The following TTLL5 variants were observed in gnomAD, a reference collection of about 807,000 sequenced individuals.
TTLL5 encodes the protein tubulin polyglutamylase TTLL5.
Under a neutral mutation model 168.4 loss-of-function variants are expected in TTLL5, and 132 were observed. The observed-to-expected ratio is 0.78, with a 90% CI of 0.68 to 0.91. The LOEUF (loss-of-function observed/expected upper bound fraction) is 0.91, where lower values mean the gene tolerates loss of function less well. Among genes scored for constraint, TTLL5 ranks in the 40% least tolerant of loss-of-function variants. TTLL5 has a pLI of 0.00. For synonymous variants in TTLL5, 546 were observed against 558.6 expected (o/e 0.98, Z 0.32); for missense variants, 1,545 against 1,581.5 (o/e 0.98, Z 0.39).
intron 31 of TTLL5, among the ~76,000 whole-genome samples, chr14:75,910,422 G>T (rs1350967908): frequency 2.0e-5 from 3 of 152,150 alleles, no homozygotes; most frequent in Admixed American, 6.5e-5. Context: ...TCCTGAACTG[G>T]GCAAGTAACC....
chr14:75,753,066 G>GA (rs897338785), intron 18 of TTLL5, 111 bp downstream of exon 18: 45 of 1,025,636 alleles, frequency 4.4e-5, no homozygotes, highest in Non-Finnish European at 5.5e-5. Flanking sequence ...ATCTCTGCTA[G>GA]AAAAAAAAGT....
At chr14:75,675,881 T>C (rs930430271) in intron 3 of TTLL5, among the ~76,000 whole-genome samples, 1 of 152,128 alleles carries the variant, frequency 6.6e-6, no homozygotes, top group African/African-American at 2.4e-5. Context: ...GTTATTGGTT[T>C]ATGTAATTAT....
intron 28 of TTLL5, among the ~76,000 whole-genome samples, chr14:75,845,348 G>A (rs1896488439): frequency 6.6e-6 from 1 of 152,148 alleles, no homozygotes; most frequent in Non-Finnish European, 1.5e-5. Context: ...ACATACCGAA[G>A]GACTCCCCGT....
intron 28 of TTLL5, among the ~76,000 whole-genome samples, chr14:75,829,597 AT>A (rs1440818176): frequency 3.3e-5 from 5 of 149,806 alleles, no homozygotes; most frequent in Admixed American, 6.7e-5. Flanking sequence ...AAAGCGAGTG[AT>A]TTTAAAAGAG....
intron 14 of TTLL5, among the ~76,000 whole-genome samples, chr14:75,734,917 T>A (rs985661746): frequency 3.9e-5 from 6 of 152,228 alleles, no homozygotes; most frequent in African/African-American, 1.4e-4. Flanking sequence ...TCTTAAGTTC[T>A]TCAAAAATCT....
rs553965605 is a variant in TTLL5 at position 75,926,038 on chromosome 14, G to T, written c.3823+23814G>T. On this transcript the variant is annotated intron_variant, in intron 31 of 31. Coordinates refer to ENST00000298832, the MANE Select transcript of TTLL5 (RefSeq NM_015072.5). ...TCGCCTTGGCATCAGAGGGAGACCG[G>T]GGAAAGAGAGGGAGAGGGAGACCGT... Among the ~76,000 whole-genome samples, 247 of 149,198 alleles carry T rather than the reference G, an allele frequency of 1.7e-3. 1 individual carries two copies. The highest frequency in any genetic ancestry group is 3.4e-3 in the Middle Eastern group (1 of 290).
intron 15 of TTLL5, among the ~76,000 whole-genome samples, chr14:75,740,194 C>G (rs1488473122): frequency 6.6e-6 from 1 of 152,110 alleles, no homozygotes; most frequent in Non-Finnish European, 1.5e-5. Context: ...TAATATATTG[C>G]TATAGTTCCC....
chr14:75,945,679 A>G (rs1434743025), intron 31 of TTLL5, among the ~76,000 whole-genome samples: 1 of 152,212 alleles, frequency 6.6e-6, no homozygotes, highest in Admixed American at 6.5e-5. Flanking sequence ...GGCCTAATAA[A>G]TATCTAATTG....
intron 30 of TTLL5, among the ~76,000 whole-genome samples, chr14:75,900,700 A>G (rs921249079): frequency 6.6e-6 from 1 of 152,044 alleles, no homozygotes; most frequent in Non-Finnish European, 1.5e-5. Context: ...TATATATGCA[A>G]TTTCCTCGTG....
At chr14:75,745,037 T>C (rs1889518505) in intron 15 of TTLL5, 58 bp from the exon 16 acceptor site, 1 of 1,339,740 alleles carries the variant, frequency 7.5e-7, no homozygotes, top group Non-Finnish European at 1.0e-6. Flanking sequence ...CAGAGGGTAA[T>C]GAGGAGTAAT....
rs115500278 is a variant in TTLL5 at position 75,822,528 on chromosome 14, A to G, written c.3326+2367A>G. Among the ~76,000 whole-genome samples, 161 of 152,362 alleles carry G rather than the reference A, an allele frequency of 1.1e-3. 1 individual carries two copies. Among genetic ancestry groups the G allele is most frequent in the African/African-American group, 3.6e-3 (150 of 41,584 alleles). On this transcript the variant is annotated intron_variant, in intron 28 of 31. Coordinates refer to ENST00000298832, the MANE Select transcript of TTLL5 (RefSeq NM_015072.5). Reference sequence around the variant, plus strand: ...ACTAGGGGCTGCCTTGTAAACTGTAATAAAATGTAAAGAGAATCCCATTGC... The same window carrying G: ...ACTAGGGGCTGCCTTGTAAACTGTAGTAAAATGTAAAGAGAATCCCATTGC...
At chr14:75,950,567 G>C (rs895515621) in intron 31 of TTLL5, among the ~76,000 whole-genome samples, 1 of 152,196 alleles carries the variant, frequency 6.6e-6, no homozygotes, top group African/African-American at 2.4e-5. Context: ...GTGAAGAGAT[G>C]AAACAAATGG....
chr14:75,919,451 T>A (rs2033744666), intron 31 of TTLL5, among the ~76,000 whole-genome samples: 1 of 152,052 alleles, frequency 6.6e-6, no homozygotes, highest in South Asian at 2.1e-4. Context: ...GAAATAAACT[T>A]ATATATCAAA....
Position 75,766,286 on chromosome 14 carries a change from G to T in TTLL5, c.1933G>T (p.Gly645Ter). 6.2e-7 allele frequency: 1 copy of T among 1,614,006 alleles called. No homozygotes were observed. The highest frequency in any genetic ancestry group is 8.5e-7 in the Non-Finnish European group (1 of 1,179,976). Reference sequence around the variant, plus strand: ...AGTTCGTGAATGGAATAATAAAGGTGGACACTGCTGCAAACTTGAGACTCA... The same window carrying T: ...AGTTCGTGAATGGAATAATAAAGGTTGACACTGCTGCAAACTTGAGACTCA... ...MKVREWNNKG[G>*]HCCKLETQEL... The change falls in exon 20 of 32, where the codon GGA becomes TGA. Residue 645 changes from glycine to a stop codon, truncating the protein, a stop_gained. Coordinates refer to ENST00000298832, the MANE Select transcript of TTLL5 (RefSeq NM_015072.5). LOFTEE classifies it high-confidence loss of function.
At chr14:75,840,206 G>T (rs1339623558) in intron 28 of TTLL5, among the ~76,000 whole-genome samples, 1 of 152,140 alleles carries the variant, frequency 6.6e-6, no homozygotes, top group African/African-American at 2.4e-5. Flanking sequence ...TAGCTTTTAT[G>T]CTTGTGTCTT....
intron 28 of TTLL5, among the ~76,000 whole-genome samples, chr14:75,859,442 A>C (rs977305309): frequency 1.3e-5 from 2 of 152,220 alleles, no homozygotes; most frequent in African/African-American, 4.8e-5. Context: ...TTTGCTACAT[A>C]TGTAAAGGGG....
intron 28 of TTLL5, among the ~76,000 whole-genome samples, chr14:75,862,414 A>G (rs527750012): frequency 2.4e-4 from 37 of 152,222 alleles, no homozygotes; most frequent in Non-Finnish European, 4.9e-4. Context: ...AGTGTTTTCC[A>G]GAGTAACTGT....
chr14:75,712,077 T>A (rs914342504), intron 9 of TTLL5: 1 of 152,258 alleles, frequency 6.6e-6, no homozygotes, highest in Admixed American at 6.5e-5. Context: ...GGGATCAGGC[T>A]GGTAATCCCC....
chr14:75,787,598 A>T (rs1368024415), intron 26 of TTLL5, among the ~76,000 whole-genome samples: 2 of 152,208 alleles, frequency 1.3e-5, no homozygotes, highest in African/African-American at 4.8e-5. Flanking sequence ...AATACACTAA[A>T]CAGATTTTTA....
Sources: allele counts gnomAD v4.1 joint callset (sites outside exome capture counted in the v4.1 genomes callset), GRCh38; gene constraint gnomAD v4.1.1; transcripts MANE v1.5; gene names NCBI Gene and HGNC (gene_info 2026-07-23, HGNC 2026-07-21).